SPATS2L: variants seen among roughly 807,000 people sequenced by gnomAD.
SPATS2L encodes the protein spermatogenesis associated serine rich 2 like.
SPATS2L carries 30 observed loss-of-function variants against 59.6 expected under a neutral mutation model. The ratio of observed to expected loss-of-function variants is 0.50; its 90% CI spans 0.38 to 0.68. SPATS2L has a LOEUF of 0.68. Ranked by LOEUF, SPATS2L falls within the 30% of genes least tolerant of loss-of-function variation. The probability of loss-of-function intolerance (pLI) is 0.00; values close to 1 mark genes in which losing one functional copy is unlikely to be tolerated. For synonymous variants in SPATS2L, 252 were observed against 263.5 expected (o/e 0.96, Z 0.42); for missense variants, 615 against 700.0 (o/e 0.88, Z 1.37).
chr2:200,317,878 A>T (rs1228460053), intron 1 of SPATS2L, among the ~76,000 whole-genome samples: 1 of 152,250 alleles, frequency 6.6e-6, no homozygotes, highest in African/African-American at 2.4e-5. Flanking sequence ...ATTGGACACC[A>T]GGGACAGATT....
Position 200,477,868 on chromosome 2 carries a change from C to T in SPATS2L, c.1514C>T (p.Ser505Phe). 6.2e-7 allele frequency: 1 copy of T among 1,602,660 alleles called. No individual in the cohort carries two copies. Among genetic ancestry groups the T allele is most frequent in the Non-Finnish European group, 8.5e-7 (1 of 1,174,550 alleles). ...GMKTPEAPAH[S>F]EKPRRRQHAA... ...AAGACCCCCGAGGCCCCGGCCCATT[C>T]TGAAAAGCCCCGGCGAAGGCAGCAC... The change falls in exon 13 of 13, where the codon TCT becomes TTT. Residue 505 changes from serine to phenylalanine, a missense_variant. Ser to Phe is a radical substitution (Grantham distance 155). Around this residue, in one of 3 missense-constraint regions of SPATS2L, gnomAD observed 284 missense variants for 280.1 expected, o/e 1.01. Coordinates refer to ENST00000409140, the MANE Select transcript of SPATS2L (RefSeq NM_001100423.2).
At chr2:200,464,718 A>T (rs1470720751) in intron 9 of SPATS2L, among the ~76,000 whole-genome samples, 1 of 151,998 alleles carries the variant, frequency 6.6e-6, no homozygotes, top group Non-Finnish European at 1.5e-5. Flanking sequence ...GAGTCAAGCA[A>T]TCCTCCTGCC....
rs148717463 is a variant in SPATS2L at position 200,447,691 on chromosome 2, T to A, written c.788+6907T>A. On this transcript the variant is annotated intron_variant, in intron 8 of 12. Transcript: ENST00000409140. ...ACACTCCTAGTGTACACTGAGAGTA[T>A]CTGGGGTAGTATAGTGTAGTTGTAC... Among the ~76,000 whole-genome samples, 41 of 152,294 alleles carry A rather than the reference T, an allele frequency of 2.7e-4. No homozygotes were observed. The East Asian group carries it at 7.2e-3, about 27-fold the overall frequency.
At position 200,479,848 on chromosome 2, in the gene SPATS2L, T is replaced by G. The variant is rs907905777; in HGVS notation, c.*1817T>G. On this transcript the variant is annotated 3_prime_UTR_variant, in exon 13 of 13. Coordinates refer to ENST00000409140, the MANE Select transcript of SPATS2L (RefSeq NM_001100423.2). ...AGTACAGGAGGATGTTTGCTCTCTC[T>G]GTAGAGAGCTTTCTGAGGTCTCTGG... The G allele has an allele frequency of 2.5e-6, 1 of 397,998 alleles. No homozygotes were observed. Among genetic ancestry groups the G allele is most frequent in the South Asian group, 1.4e-4 (1 of 7,400 alleles). The allele number at this position is 397,998 out of a possible 1,614,324, so 24.7% of individuals were successfully genotyped here. A position where few individuals can be genotyped will look rare whatever the true frequency, so the allele number is the denominator to read the frequency against.
intron 8 of SPATS2L, among the ~76,000 whole-genome samples, chr2:200,446,167 C>A (rs1574583336): frequency 1.3e-5 from 2 of 152,084 alleles, no homozygotes; most frequent in African/African-American, 4.8e-5. Flanking sequence ...GGAGAGACCC[C>A]ATCTCTACAA....
At chr2:200,399,969 A>G (rs1009105882) in intron 3 of SPATS2L, among the ~76,000 whole-genome samples, 1 of 152,182 alleles carries the variant, frequency 6.6e-6, no homozygotes, top group Non-Finnish European at 1.5e-5. Context: ...GGAAAAAAAA[A>G]TCCCTCAGGG....
chr2:200,466,283 T>C (rs2086597165), intron 9 of SPATS2L, among the ~76,000 whole-genome samples: 1 of 152,148 alleles, frequency 6.6e-6, no homozygotes, highest in Admixed American at 6.6e-5. Context: ...GACATGCATG[T>C]CATCTTAGAT....
At chr2:200,472,265 C>T (rs55791517) in intron 11 of SPATS2L, among the ~76,000 whole-genome samples, 1 of 152,236 alleles carries the variant, frequency 6.6e-6, no homozygotes, top group Non-Finnish European at 1.5e-5. Context: ...CGGGCCTGGC[C>T]CTGTGTTTGG....
chr2:200,332,428 A>G (rs751207197), intron 2 of SPATS2L, among the ~76,000 whole-genome samples: 2 of 152,034 alleles, frequency 1.3e-5, no homozygotes, highest in Non-Finnish European at 2.9e-5. Flanking sequence ...TATTTTTTAT[A>G]GAGATAGGGG....
intron 3 of SPATS2L, among the ~76,000 whole-genome samples, chr2:200,402,176 T>G (rs943270529): frequency 1.3e-5 from 2 of 152,262 alleles, no homozygotes; most frequent in Non-Finnish European, 1.5e-5. Context: ...GGAATCCATT[T>G]GATCTCCTCC....
intron 2 of SPATS2L, among the ~76,000 whole-genome samples, chr2:200,375,718 C>A (rs535106149): frequency 6.6e-6 from 1 of 152,334 alleles, no homozygotes; most frequent in East Asian, 1.9e-4. Context: ...CCTCCACCTC[C>A]CGGGCTCAAG....
intron 6 of SPATS2L, among the ~76,000 whole-genome samples, chr2:200,424,326 A>C (rs2083437441): frequency 6.6e-6 from 1 of 151,694 alleles, no homozygotes; most frequent in Admixed American, 6.6e-5. Flanking sequence ...ATCTCTTTAA[A>C]AAAAAAAGAA....
chr2:200,411,461 T>A (rs1176548639), intron 3 of SPATS2L, among the ~76,000 whole-genome samples: 1 of 140,874 alleles, frequency 7.1e-6, no homozygotes, highest in Non-Finnish European at 1.6e-5. Context: ...TCACTTACCT[T>A]TGCACCATGC....
intron 1 of SPATS2L, among the ~76,000 whole-genome samples, chr2:200,326,456 C>T (rs1326075837): frequency 1.3e-5 from 2 of 152,166 alleles, no homozygotes; most frequent in Admixed American, 6.5e-5. Context: ...AAATTTCAAT[C>T]GTTTTTCTCT....
intron 3 of SPATS2L, among the ~76,000 whole-genome samples, chr2:200,402,445 T>C (rs2082556746): frequency 6.6e-6 from 1 of 152,208 alleles, no homozygotes; most frequent in East Asian, 1.9e-4. Flanking sequence ...TATCTCTTCA[T>C]AGACGTTGTG....
At chr2:200,449,620 A>C (rs1414430185) in intron 8 of SPATS2L, among the ~76,000 whole-genome samples, 2 of 152,196 alleles carry the variant, frequency 1.3e-5, no homozygotes, top group African/African-American at 2.4e-5. Flanking sequence ...ATAAAGAGGA[A>C]ATAAGCAAAT....
In SPATS2L at chr2:200,459,785, G is replaced by C; in HGVS notation, c.805G>C (p.Val269Leu). Reference sequence around the variant, plus strand: ...TTTCCCCAGCATCATTGACAAAGAAGTTTCATTAATGGCAGAAATGGATAA... The same window carrying C: ...TTTCCCCAGCATCATTGACAAAGAACTTTCATTAATGGCAGAAATGGATAA... ...ELHNCIIDKE[V>L]SLMAEMDKVK... The change falls in exon 9 of 13, where the codon GTT becomes CTT. Residue 269 changes from valine (V) to leucine (L), a missense_variant. Physicochemically the swap from Val to Leu is conservative, Grantham distance 32 (BLOSUM62 1). This residue lies in a region of SPATS2L where 104 missense variants were observed against 162.5 expected (regional missense o/e 0.64). Transcript: ENST00000409140. 6.2e-7 allele frequency: 1 copy of C among 1,612,780 alleles called. No individual in the cohort carries two copies. Among genetic ancestry groups the C allele is most frequent in the Non-Finnish European group, 8.5e-7 (1 of 1,179,284 alleles).
intron 2 of SPATS2L, among the ~76,000 whole-genome samples, chr2:200,332,772 C>CTGTGTGTGTGTG (rs144988506): frequency 0.014 from 2,005 of 143,278 alleles, 34 homozygotes; most frequent in African/African-American, 0.04. Flanking sequence ...AGTTAGCTGC[C>CTGTGTGTGTGTG]TGTGTGTGTG....
At chr2:200,464,728 C>T (rs2086469486) in intron 9 of SPATS2L, among the ~76,000 whole-genome samples, 1 of 152,214 alleles carries the variant, frequency 6.6e-6, no homozygotes, top group South Asian at 2.1e-4. Context: ...ATCCTCCTGC[C>T]TCAGCCTCCG....
Sources: allele counts gnomAD v4.1 joint callset (sites outside exome capture counted in the v4.1 genomes callset), GRCh38; gene constraint gnomAD v4.1.1; regional missense constraint gnomAD v4.1.1; transcripts MANE v1.5; gene names NCBI Gene and HGNC (gene_info 2026-07-23, HGNC 2026-07-21).